The following GLIS3 variants were observed in gnomAD, a reference collection of about 807,000 sequenced individuals.
GLIS3 encodes GLIS family zinc finger 3.
GLIS3 carries 53 observed loss-of-function variants against 78.6 expected under a neutral mutation model. That is an observed-to-expected ratio of 0.67 (90% confidence interval 0.54 to 0.85). GLIS3 has a LOEUF of 0.85. Ranked by LOEUF, GLIS3 falls within the 40% of genes least tolerant of loss-of-function variation. The pLI is 0.00. For synonymous variants in GLIS3, 684 were observed against 509.9 expected (o/e 1.34, Z -4.60); for missense variants, 1,703 against 1,231.1 (o/e 1.38, Z -5.74).
At chr9:4,115,097 C>T (rs1831533132) in intron 4 of GLIS3, among the ~76,000 whole-genome samples, 1 of 152,168 alleles carries the variant, frequency 6.6e-6, no homozygotes, top group Non-Finnish European at 1.5e-5. Flanking sequence ...CTCACACACC[C>T]CTATTTTACC....
chr9:4,149,362 C>G (rs1189502370), intron 2 of GLIS3, among the ~76,000 whole-genome samples: 1 of 152,176 alleles, frequency 6.6e-6, no homozygotes, highest in Non-Finnish European at 1.5e-5. Flanking sequence ...CAAACCCCAG[C>G]TAGCCCAACT....
Position 4,029,432 on chromosome 9 carries a change from T to G in GLIS3, c.1710+88336A>C, listed in dbSNP as rs75169996. Among the ~76,000 whole-genome samples, 1,312 of 152,368 alleles carry G rather than the reference T, an allele frequency of 8.6e-3. 20 individuals carry two copies. The highest frequency in any genetic ancestry group is 0.03 in the African/African-American group (1,233 of 41,588). ...CATGGAAAATGTGTTATCCGTCCCCTTAAGCATTTATCCTTCGAGTTACAA... is the reference window on the plus strand; with the variant it reads ...CATGGAAAATGTGTTATCCGTCCCCGTAAGCATTTATCCTTCGAGTTACAA... On this transcript the variant is annotated intron_variant, in intron 4 of 10. Transcript: ENST00000381971.
intron 2 of GLIS3, among the ~76,000 whole-genome samples, chr9:4,335,773 G>C (rs4741963): frequency 0.29 from 43,862 of 151,996 alleles, 7,297 homozygotes; most frequent in Non-Finnish European, 0.37. Context: ...GCATCCCCTG[G>C]GTCCCTTGCC....
the GLIS3 span, among the ~76,000 whole-genome samples, chr9:4,404,786 G>T: frequency 0.73 from 110,671 of 151,956 alleles, 40,437 homozygotes; most frequent in South Asian, 0.8. Context: ...AAATAAATAA[G>T]CTAATGATAT....
chr9:4,168,912 G>C (rs1489268090), intron 2 of GLIS3, among the ~76,000 whole-genome samples: 1 of 152,174 alleles, frequency 6.6e-6, no homozygotes, highest in African/African-American at 2.4e-5. Flanking sequence ...TAGATAACGA[G>C]AAAATTTCAT....
At chr9:3,982,237 C>A (rs956691757) in intron 4 of GLIS3, among the ~76,000 whole-genome samples, 1 of 151,566 alleles carries the variant, frequency 6.6e-6, no homozygotes, top group Non-Finnish European at 1.5e-5. Flanking sequence ...TACATAGCTA[C>A]ATAAACTTTA....
chr9:4,466,346 G>C, the GLIS3 span, among the ~76,000 whole-genome samples: 426 of 152,206 alleles, frequency 2.8e-3, 2 homozygotes, highest in Middle Eastern at 6.8e-3. Flanking sequence ...GGCCCAGATG[G>C]CTTCACTGAT....
chr9:4,357,811 A>C, the GLIS3 span, among the ~76,000 whole-genome samples: 1 of 152,134 alleles, frequency 6.6e-6, no homozygotes, highest in Non-Finnish European at 1.5e-5. Flanking sequence ...GGGCCACCAC[A>C]TTGCATAGTG....
intron 2 of GLIS3, among the ~76,000 whole-genome samples, chr9:4,312,032 G>C (rs1433153191): frequency 6.6e-6 from 1 of 152,118 alleles, no homozygotes; most frequent in Non-Finnish European, 1.5e-5. Flanking sequence ...TAACTACTGG[G>C]TACGAGGCTT....
chr9:4,262,834 C>A (rs1453669086), intron 2 of GLIS3, among the ~76,000 whole-genome samples: 1 of 151,314 alleles, frequency 6.6e-6, no homozygotes, highest in African/African-American at 2.4e-5. Context: ...TATGACTTCA[C>A]CGAAAGGAAT....
At chr9:3,914,226 T>C (rs1824346923) in intron 6 of GLIS3, among the ~76,000 whole-genome samples, 3 of 152,162 alleles carry the variant, frequency 2.0e-5, no homozygotes, top group African/African-American at 7.2e-5. Context: ...GCTCACTGTA[T>C]CCTTGAATTC....
chr9:4,458,239 T>G, the GLIS3 span, among the ~76,000 whole-genome samples: 2 of 152,160 alleles, frequency 1.3e-5, no homozygotes, highest in Admixed American at 6.5e-5. Flanking sequence ...ATTAATTTAT[T>G]CACTCAATCA....
chr9:3,933,473 A>C (rs1180491028), intron 5 of GLIS3, among the ~76,000 whole-genome samples: 1 of 152,180 alleles, frequency 6.6e-6, no homozygotes, highest in Non-Finnish European at 1.5e-5. Context: ...TGAGGCTATG[A>C]CTCTTCAGTT....
chr9:4,285,195 T>C (rs1268426098), intron 2 of GLIS3, among the ~76,000 whole-genome samples: 1 of 152,320 alleles, frequency 6.6e-6, no homozygotes, highest in African/African-American at 2.4e-5. Context: ...ATTGTGCTAT[T>C]TTATACAGCA....
chr9:4,064,656 T>G (rs1029937108), intron 4 of GLIS3, among the ~76,000 whole-genome samples: 8 of 152,092 alleles, frequency 5.3e-5, no homozygotes, highest in African/African-American at 1.7e-4. Context: ...ATGCCTGGTG[T>G]TGTGGCGCAC....
intron 2 of GLIS3, among the ~76,000 whole-genome samples, chr9:4,330,413 G>C (rs1175401232): frequency 6.6e-6 from 1 of 152,220 alleles, no homozygotes; most frequent in Non-Finnish European, 1.5e-5. Flanking sequence ...TTGGTCCAAG[G>C]ATCACACTTT....
At chr9:4,341,149 G>A (rs951730619) in intron 2 of GLIS3, among the ~76,000 whole-genome samples, 5 of 152,168 alleles carry the variant, frequency 3.3e-5, no homozygotes, top group African/African-American at 1.2e-4. Context: ...GACTTTCCTA[G>A]TTGCATTATC....
chr9:4,262,452 T>A (rs991907094), intron 2 of GLIS3, among the ~76,000 whole-genome samples: 3 of 152,198 alleles, frequency 2.0e-5, no homozygotes, highest in East Asian at 1.9e-4. Context: ...TCGGAGGTTC[T>A]CAAATGTTCT....
At chr9:4,252,466 T>C (rs1041063487) in intron 2 of GLIS3, among the ~76,000 whole-genome samples, 1 of 152,110 alleles carries the variant, frequency 6.6e-6, no homozygotes, top group Non-Finnish European at 1.5e-5. Context: ...AGGTCATTTA[T>C]GTTCTCTCTA....
Sources: gnomAD v4.1 joint callset for allele counts (sites outside exome capture counted in the v4.1 genomes callset) on GRCh38, gnomAD v4.1.1 for gene constraint, MANE v1.5 for transcripts, NCBI Gene and HGNC (gene_info 2026-07-23, HGNC 2026-07-21) for gene names.